Variants in RALYL observed in about 807,000 individuals in gnomAD.
The protein encoded by RALYL is RALY RNA binding protein like, also known as RNA-binding Raly-like protein.
RALYL carries 29 observed loss-of-function variants against 35.1 expected under a neutral mutation model. The observed-to-expected ratio is 0.83, with a 90% CI of 0.61 to 1.13. The LOEUF is 1.13. RALYL is among the 50% of genes most tolerant of loss of function. The probability of loss-of-function intolerance (pLI) is 0.00; values close to 1 mark genes in which losing one functional copy is unlikely to be tolerated. For synonymous variants in RALYL, 120 were observed against 127.6 expected, an observed-to-expected ratio of 0.94 and a Z score of 0.40; for missense variants, 359 against 360.4, an observed-to-expected ratio of 1.00 and a Z score of 0.03.
chr8:84,333,789 C>T (rs1237988161), intron 1 of RALYL, among the ~76,000 whole-genome samples: 1 of 152,056 alleles, frequency 6.6e-6, no homozygotes, highest in Non-Finnish European at 1.5e-5. Flanking sequence ...GTAGATAATC[C>T]TCTTGAGTAT....
intron 1 of RALYL, among the ~76,000 whole-genome samples, chr8:84,389,532 G>A (rs1193259622): frequency 2.0e-5 from 3 of 150,662 alleles, no homozygotes; most frequent in Non-Finnish European, 3.0e-5. Flanking sequence ...GCAGTGGTTT[G>A]TAGTTCTCCT....
intron 1 of RALYL, among the ~76,000 whole-genome samples, chr8:84,227,876 G>A (rs754755844): frequency 2.0e-5 from 3 of 151,832 alleles, no homozygotes; most frequent in Non-Finnish European, 4.4e-5. Context: ...ATCATAAATG[G>A]CATTTATGTA....
At chr8:84,858,787 A>G (rs1207069627) in intron 5 of RALYL, among the ~76,000 whole-genome samples, 1 of 152,268 alleles carries the variant, frequency 6.6e-6, no homozygotes, top group Non-Finnish European at 1.5e-5. Flanking sequence ...TTGCAATCGC[A>G]GAAAGCCTTC....
At chr8:84,715,108 TA>T (rs1564421267) in intron 2 of RALYL, among the ~76,000 whole-genome samples, 1 of 152,010 alleles carries the variant, frequency 6.6e-6, no homozygotes, top group East Asian at 1.9e-4. Context: ...ATTTGAATTC[TA>T]ATTTTACATA....
chr8:84,561,561 A>G (rs550068996), intron 2 of RALYL, among the ~76,000 whole-genome samples: 1 of 152,144 alleles, frequency 6.6e-6, no homozygotes, highest in South Asian at 2.1e-4. Context: ...TAGGCACAGT[A>G]AGAGATTAAC....
At chr8:84,698,189 A>C (rs866476028) in intron 2 of RALYL, among the ~76,000 whole-genome samples, 2 of 152,058 alleles carry the variant, frequency 1.3e-5, no homozygotes, top group Non-Finnish European at 2.9e-5. Flanking sequence ...TATCTGTAGG[A>C]TGAGGACTCC....
rs532333760 is a variant in RALYL at position 84,901,881 on chromosome 8, G to A, written c.858+14105G>A. 3.3e-5 allele frequency among the ~76,000 whole-genome samples: 5 copies of A among 152,252 alleles called. No individual in the cohort carries two copies. In the South Asian group the frequency reaches 1.0e-3, roughly 32 times the overall value. On this transcript the variant is annotated intron_variant, in intron 8 of 8. Transcript: ENST00000521268. ...GAATGAGGGCAAGAGTGGGAATTTGGAGGATCTATGTCTGGCCTTAGCATA... is the reference window on the plus strand; with the variant it reads ...GAATGAGGGCAAGAGTGGGAATTTGAAGGATCTATGTCTGGCCTTAGCATA...
intron 2 of RALYL, among the ~76,000 whole-genome samples, chr8:84,544,319 C>T (rs1475473152): frequency 6.6e-6 from 1 of 151,894 alleles, no homozygotes; most frequent in Non-Finnish European, 1.5e-5. Context: ...TCTCTCTCTT[C>T]CCACTTGTAA....
intron 4 of RALYL, among the ~76,000 whole-genome samples, chr8:84,840,219 A>AG (rs141082944): frequency 1.9e-5 from 1 of 52,810 alleles, no homozygotes; most frequent in Non-Finnish European, 4.2e-5. Flanking sequence ...AAAAACCTTG[A>AG]AAAAAAAATG....
chr8:84,560,050 T>A (rs2061380046), intron 2 of RALYL, among the ~76,000 whole-genome samples: 1 of 151,390 alleles, frequency 6.6e-6, no homozygotes, highest in South Asian at 2.1e-4. Context: ...ATTGGAAGAC[T>A]ATGTGAGAGT....
chr8:84,786,752 G>T (rs1435831025), intron 3 of RALYL, among the ~76,000 whole-genome samples: 10 of 150,132 alleles, frequency 6.7e-5, no homozygotes, highest in Non-Finnish European at 1.3e-4. Context: ...TGGTTAGATT[G>T]CAAAAATTTT....
chr8:84,642,188 GAT>G (rs1826495358), intron 2 of RALYL, among the ~76,000 whole-genome samples: 2 of 151,936 alleles, frequency 1.3e-5, no homozygotes, highest in South Asian at 4.1e-4. Context: ...CTAGCCATGA[GAT>G]AGCATCACAA....
At chr8:84,890,792 CAGAT>C (rs1843698373) in intron 8 of RALYL, among the ~76,000 whole-genome samples, 1 of 123,474 alleles carries the variant, frequency 8.1e-6, no homozygotes, top group Non-Finnish European at 1.6e-5. Flanking sequence ...GCATTTTTGT[CAGAT>C]AGTGCAAAAA....
At chr8:84,445,197 G>A (rs920154283) in intron 1 of RALYL, among the ~76,000 whole-genome samples, 1 of 151,916 alleles carries the variant, frequency 6.6e-6, no homozygotes, top group Non-Finnish European at 1.5e-5. Flanking sequence ...TTTCAAAGAC[G>A]TTAAATATCT....
intron 1 of RALYL, among the ~76,000 whole-genome samples, chr8:84,266,119 T>C (rs1833244237): frequency 6.6e-6 from 1 of 152,130 alleles, no homozygotes. Flanking sequence ...ATTTATTATG[T>C]CTCATATCTC....
In RALYL at chr8:84,813,299, C is replaced by G. The variant is rs1024316224; in HGVS notation, c.365+8497C>G. On this transcript the variant is annotated intron_variant, in intron 4 of 8. Transcript: ENST00000521268. ...TGGGTCCTGCAGGAGCACTCTGCCT[C>G]CTTCAGAGGGTCTGTGGGTCCTCTT... Among the ~76,000 whole-genome samples the G allele has an allele frequency of 5.9e-5, 9 of 152,306 alleles. No homozygotes were observed. The East Asian group carries it at 1.5e-3, about 26-fold the overall frequency.
chr8:84,566,171 T>C (rs978147346), intron 2 of RALYL, among the ~76,000 whole-genome samples: 17 of 151,596 alleles, frequency 1.1e-4, no homozygotes, highest in African/African-American at 3.6e-4. Flanking sequence ...CATAGAACAT[T>C]TCGTGCTTTC....
chr8:84,434,311 A>G (rs937664929), intron 1 of RALYL, among the ~76,000 whole-genome samples: 1 of 152,110 alleles, frequency 6.6e-6, no homozygotes, highest in Admixed American at 6.6e-5. Context: ...ATATTTTGAG[A>G]TATCGGGGGT....
chr8:84,572,286 C>A (rs1808198860), intron 2 of RALYL, among the ~76,000 whole-genome samples: 1 of 151,486 alleles, frequency 6.6e-6, no homozygotes, highest in South Asian at 2.1e-4. Context: ...GCATTTAGGC[C>A]TTTTATGTTC....
Sources: gnomAD v4.1 joint callset for allele counts (sites outside exome capture counted in the v4.1 genomes callset) on GRCh38, gnomAD v4.1.1 for gene constraint, MANE v1.5 for transcripts, NCBI Gene and HGNC (gene_info 2026-07-23, HGNC 2026-07-21) for gene names.